PCDHGA9: variants seen among roughly 807,000 people sequenced by gnomAD.
PCDHGA9 encodes protocadherin gamma-A9.
In PCDHGA9, 37 loss-of-function variants were observed where a neutral mutation model predicts 62.5. That is an observed-to-expected ratio of 0.59 (90% confidence interval 0.46 to 0.78). PCDHGA9 has a LOEUF of 0.78. Ranked by LOEUF, PCDHGA9 falls within the 30% of genes least tolerant of loss-of-function variation. The pLI is 0.00. For missense variants in PCDHGA9, 1,138 were observed against 1,166.2 expected, an observed-to-expected ratio of 0.98 and a Z score of 0.35; for synonymous variants, 459 against 484.6, an observed-to-expected ratio of 0.95 and a Z score of 0.69.
chr5:141,485,549 G>T lies in PCDHGA9; in HGVS notation c.2425-9258G>T. 1 of 1,614,030 alleles carries T rather than the reference G, an allele frequency of 6.2e-7. No homozygotes were observed. Among genetic ancestry groups the T allele is most frequent in the Non-Finnish European group, 8.5e-7 (1 of 1,179,922 alleles). On this transcript the variant is annotated intron_variant, in intron 1 of 3. Coordinates refer to ENST00000573521, the MANE Select transcript of PCDHGA9 (RefSeq NM_018921.3). The surrounding 1 kb of genome is among the most constrained non-coding windows in gnomAD (Gnocchi z 5.7). Reference sequence around the variant, plus strand: ...CCGAGCAGAGGTAGAGATCGTAGATGTGAATGATCACGCCCCCCGTTTTCC... The same window carrying T: ...CCGAGCAGAGGTAGAGATCGTAGATTTGAATGATCACGCCCCCCGTTTTCC...
chr5:141,423,154 C>A, intron 1 of PCDHGA9: 1 of 1,613,466 alleles, frequency 6.2e-7, no homozygotes, highest in South Asian at 1.1e-5. Flanking sequence ...CAAGCAGAGC[C>A]TCGTGGTGGC....
At chr5:141,424,610 ATAGAG>A (rs1374272828) in intron 1 of PCDHGA9, 2 of 152,216 alleles carry the variant, frequency 1.3e-5, no homozygotes, top group African/African-American at 4.8e-5. Flanking sequence ...ATTTATTCAA[ATAGAG>A]TAGTTTGTGA....
At chr5:141,414,245 T>A in intron 1 of PCDHGA9, 2 of 1,613,498 alleles carry the variant, frequency 1.2e-6, no homozygotes, top group Non-Finnish European at 1.7e-6. Context: ...ACGTCTCTAT[T>A]TAGTCCAGTG....
In PCDHGA9 at chr5:141,431,357, C is replaced by G. The variant is rs762220618; in HGVS notation, c.2424+25981C>G. 1.9e-5 allele frequency: 31 copies of G among 1,613,926 alleles called. No homozygotes were observed. Among genetic ancestry groups the G allele is most frequent in the Non-Finnish European group, 2.2e-5 (26 of 1,180,046 alleles). On this transcript the variant is annotated intron_variant, in intron 1 of 3. Coordinates refer to ENST00000573521, the MANE Select transcript of PCDHGA9 (RefSeq NM_018921.3). The surrounding 1 kb of genome is among the most constrained non-coding windows in gnomAD (Gnocchi z 4.8). ...CCCCGAATTGGTGCTGAAACGCGCC[C>G]TGGACCGCGAAGAAAAGGCTGCTCA...
At chr5:141,428,018 C>A in intron 1 of PCDHGA9, 12 of 1,604,570 alleles carry the variant, frequency 7.5e-6, no homozygotes, top group Middle Eastern at 1.7e-4. Context: ...TAGTGCCACG[C>A]GCCGCAGAGT....
In PCDHGA9 at chr5:141,490,275, C is replaced by A; in HGVS notation, c.2425-4532C>A. 6.2e-7 allele frequency: 1 copy of A among 1,614,238 alleles called. No individual in the cohort carries two copies. The highest frequency in any genetic ancestry group is 8.5e-7 in the Non-Finnish European group (1 of 1,180,044). On this transcript the variant is annotated intron_variant, in intron 1 of 3. Transcript: ENST00000573521. The surrounding 1 kb of genome is among the most constrained non-coding windows in gnomAD (Gnocchi z 5.4). Reference sequence around the variant, plus strand: ...AAGTGGATGTGGGGGATGTCAATGACAATGCCCCAGAGGTGCTATTGGCCT... The same window carrying A: ...AAGTGGATGTGGGGGATGTCAATGAAAATGCCCCAGAGGTGCTATTGGCCT...
At chr5:141,478,498 G>A in intron 1 of PCDHGA9, 8 of 1,612,712 alleles carry the variant, frequency 5.0e-6, no homozygotes, top group South Asian at 1.1e-5. Context: ...GCTGTGATCC[G>A]GTGTTCTATA....
chr5:141,489,579 C>G lies in PCDHGA9; in HGVS notation c.2425-5228C>G, dbSNP rs112808093. 3.7e-6 allele frequency: 6 copies of G among 1,613,922 alleles called. No individual in the cohort carries two copies. The Admixed American group carries it at 5.0e-5, about 13-fold the overall frequency. On this transcript the variant is annotated intron_variant, in intron 1 of 3. Transcript: ENST00000573521. This position sits in a 1 kb window ranked among gnomAD's most constrained non-coding sequence, Gnocchi z 4.5. ...CAGTGCAGGTGGTGACTGAACACCC[C>G]CTGGAGCTAATCCGTGTAGAGGTAG... is the stretch of plus-strand genomic sequence containing the variant.
intron 1 of PCDHGA9, among the ~76,000 whole-genome samples, chr5:141,466,225 C>A (rs925594512): frequency 2.0e-5 from 3 of 152,028 alleles, no homozygotes; most frequent in Admixed American, 6.6e-5. Flanking sequence ...GGCTGGAGTG[C>A]AGTGGCACCA....
rs201006002 is a variant in PCDHGA9, at chr5:141,432,497, C to T, written c.2424+27121C>T. 7 of 1,614,062 alleles carry T rather than the reference C, an allele frequency of 4.3e-6. 1 individual carries two copies. In the South Asian group the frequency reaches 6.6e-5, roughly 15 times the overall value. On this transcript the variant is annotated intron_variant, in intron 1 of 3. Transcript: ENST00000573521. This position sits in a 1 kb window ranked among gnomAD's most constrained non-coding sequence, Gnocchi z 6.0. Reference sequence around the variant, plus strand: ...TTCCACTGGCGTGGAGCTGGCTCCCCGCTCCGCAGAGCCCGGCTACCTGGT... The same window carrying T: ...TTCCACTGGCGTGGAGCTGGCTCCCTGCTCCGCAGAGCCCGGCTACCTGGT...
chr5:141,491,602 A>T lies in PCDHGA9; in HGVS notation c.2425-3205A>T. On this transcript the variant is annotated intron_variant, in intron 1 of 3. Transcript: ENST00000573521. The surrounding 1 kb of genome is among the most constrained non-coding windows in gnomAD (Gnocchi z 6.9). ...ACCGGCCTCGGACGGCAGTGACTTC[A>T]CTTTTCTAAGACCCCTCAGCGTTCA... is the stretch of plus-strand genomic sequence containing the variant. The T allele has an allele frequency of 6.2e-7, 1 of 1,613,838 alleles. No individual in the cohort carries two copies. Among genetic ancestry groups the T allele is most frequent in the Non-Finnish European group, 8.5e-7 (1 of 1,180,016 alleles).
chr5:141,478,135 C>T (rs1307702473), intron 1 of PCDHGA9: 7 of 1,613,970 alleles, frequency 4.3e-6, no homozygotes, highest in African/African-American at 1.3e-5. Flanking sequence ...CTCCTGAAGC[C>T]CGAGCCGAGT....
At chr5:141,420,062 T>G (rs759817545) in intron 1 of PCDHGA9, 1 of 1,614,066 alleles carries the variant, frequency 6.2e-7, no homozygotes, top group Non-Finnish European at 8.5e-7. Context: ...CTGCTCCAAG[T>G]CCGGACCTGT....
At chr5:141,470,682 T>C (rs2099236741) in intron 1 of PCDHGA9, among the ~76,000 whole-genome samples, 1 of 152,138 alleles carries the variant, frequency 6.6e-6, no homozygotes, top group Non-Finnish European at 1.5e-5. Flanking sequence ...TGTTACCATC[T>C]TGAAATTCTT....
chr5:141,428,177 G>A lies in PCDHGA9; in HGVS notation c.2424+22801G>A, dbSNP rs754811645. The A allele has an allele frequency of 1.4e-5, 21 of 1,510,058 alleles. 1 individual carries two copies. The South Asian group carries it at 1.7e-4, about 12-fold the overall frequency. The allele number at this position is 1,510,058 out of a possible 1,614,324, so 93.5% of individuals were successfully genotyped here. ...CCTGCTGGTTGCTGTGCGTGACGGA[G>A]GACAGCCGCCGCTCTCTGCGCCGCT... On this transcript the variant is annotated intron_variant, in intron 1 of 3. Coordinates refer to ENST00000573521, the MANE Select transcript of PCDHGA9 (RefSeq NM_018921.3).
In PCDHGA9 at chr5:141,487,102, G is replaced by C; in HGVS notation, c.2425-7705G>C. The C allele has an allele frequency of 6.2e-7, 1 of 1,613,900 alleles. No homozygotes were observed. Among genetic ancestry groups the C allele is most frequent in the Non-Finnish European group, 8.5e-7 (1 of 1,179,818 alleles). ...CAGCTGACCTCCCACCACAGAAGCTGGTCATTGTGGTAAAGGATAGTGGTA... is the reference window on the plus strand; with the variant it reads ...CAGCTGACCTCCCACCACAGAAGCTCGTCATTGTGGTAAAGGATAGTGGTA... On this transcript the variant is annotated intron_variant, in intron 1 of 3. Transcript: ENST00000573521. This position sits in a 1 kb window ranked among gnomAD's most constrained non-coding sequence, Gnocchi z 5.0.
intron 1 of PCDHGA9, among the ~76,000 whole-genome samples, chr5:141,445,814 T>C (rs1554133709): frequency 6.6e-6 from 1 of 152,182 alleles, no homozygotes; most frequent in Non-Finnish European, 1.5e-5. Context: ...TAGATGAAAC[T>C]AATAAGGCAG....
At chr5:141,509,411 AGCC>A (rs2099876675) in intron 3 of PCDHGA9, among the ~76,000 whole-genome samples, 2 of 152,098 alleles carry the variant, frequency 1.3e-5, no homozygotes, top group Admixed American at 1.3e-4. Flanking sequence ...TCCAGCAGCG[AGCC>A]CCAATGAGTC....
chr5:141,472,159 A>G (rs1020175900), intron 1 of PCDHGA9, among the ~76,000 whole-genome samples: 1 of 152,246 alleles, frequency 6.6e-6, no homozygotes, highest in Non-Finnish European at 1.5e-5. Context: ...TTACATAGCT[A>G]CTAGGTGTAA....
Sources: allele counts gnomAD v4.1 joint callset (sites outside exome capture counted in the v4.1 genomes callset), GRCh38; gene constraint gnomAD v4.1.1; non-coding constraint Gnocchi (gnomAD v3.1); transcripts MANE v1.5; gene names NCBI Gene and HGNC (gene_info 2026-07-23, HGNC 2026-07-21).